The following UBAP1 variants were observed in gnomAD, a reference collection of about 807,000 sequenced individuals.
UBAP1 encodes the protein ubiquitin associated protein 1.
A neutral mutation model predicts 39.0 loss-of-function variants in UBAP1; 5 were observed. That is an observed-to-expected ratio of 0.13 (90% CI 0.07 to 0.27). The LOEUF is 0.27. Among genes scored for constraint, UBAP1 ranks in the 10% least tolerant of loss-of-function variants. UBAP1 has a pLI of 1.00. For missense variants in UBAP1, 490 were observed against 608.1 expected (o/e 0.81, Z 2.04); for synonymous variants, 211 against 225.1 (o/e 0.94, Z 0.56).
At chr9:34,192,025 T>C (rs532083423) in intron 1 of UBAP1, 2 of 151,760 alleles carry the variant, frequency 1.3e-5, no homozygotes, top group Non-Finnish European at 2.9e-5. Flanking sequence ...ATTTTTTTTT[T>C]TAGTGATGGG....
At chr9:34,190,768 C>T (rs930795687) in intron 1 of UBAP1, among the ~76,000 whole-genome samples, 7 of 148,996 alleles carry the variant, frequency 4.7e-5, no homozygotes, top group African/African-American at 1.7e-4. Context: ...TCCCGAGTAG[C>T]TGGGACTGCA....
At chr9:34,224,234 C>T in intron 2 of UBAP1, 1 of 492,650 alleles carries the variant, frequency 2.0e-6, no homozygotes, top group South Asian at 3.5e-5. Flanking sequence ...CAGCTTGTCT[C>T]CTTTCTTGTG....
intron 1 of UBAP1, among the ~76,000 whole-genome samples, chr9:34,216,616 C>T (rs975672390): frequency 1.0e-4 from 15 of 148,754 alleles, no homozygotes; most frequent in African/African-American, 3.2e-4. Flanking sequence ...GCTGGGACTA[C>T]AGGCATGCAC....
chr9:34,217,569 T>G (rs1832398670), intron 1 of UBAP1, among the ~76,000 whole-genome samples: 2 of 151,802 alleles, frequency 1.3e-5, no homozygotes, highest in Admixed American at 1.3e-4. Flanking sequence ...TTTTTTTAAT[T>G]TTTGTTTTTT....
intron 1 of UBAP1, among the ~76,000 whole-genome samples, chr9:34,210,800 G>A (rs1442684666): frequency 6.7e-6 from 1 of 149,352 alleles, no homozygotes; most frequent in Non-Finnish European, 1.5e-5. Flanking sequence ...GAAATGTTTT[G>A]CCTTTTTGAA....
chr9:34,201,976 A>G (rs113973608), intron 1 of UBAP1, among the ~76,000 whole-genome samples: 2 of 152,198 alleles, frequency 1.3e-5, no homozygotes, highest in African/African-American at 4.8e-5. Context: ...AAGTATACAG[A>G]TGAAGAGATT....
intron 1 of UBAP1, among the ~76,000 whole-genome samples, chr9:34,207,236 G>A (rs1831758210): frequency 6.6e-6 from 1 of 150,614 alleles, no homozygotes; most frequent in Non-Finnish European, 1.5e-5. Flanking sequence ...AGTAGAGATG[G>A]GGTTTCACCA....
At chr9:34,246,213 C>G (rs944668096) in intron 4 of UBAP1, among the ~76,000 whole-genome samples, 9 of 152,122 alleles carry the variant, frequency 5.9e-5, no homozygotes, top group African/African-American at 2.2e-4. Context: ...ACTACAGGCA[C>G]GTGCCACCAC....
intron 3 of UBAP1, 69 bp from the exon 4 acceptor site, chr9:34,241,116 G>C (rs1274335577): frequency 8.7e-7 from 1 of 1,150,096 alleles, no homozygotes; most frequent in Non-Finnish European, 1.2e-6. Flanking sequence ...TGAGGAAGGA[G>C]TGAATTGGGT....
chr9:34,247,148 T>C (rs1276518634), intron 4 of UBAP1, among the ~76,000 whole-genome samples: 1 of 152,144 alleles, frequency 6.6e-6, no homozygotes, highest in Non-Finnish European at 1.5e-5. Flanking sequence ...GGTGAGTAAC[T>C]GGAGAAACTA....
intron 2 of UBAP1, among the ~76,000 whole-genome samples, chr9:34,223,700 C>G (rs144413929): frequency 6.6e-6 from 1 of 152,182 alleles, no homozygotes; most frequent in South Asian, 2.1e-4. Context: ...CGTGATCCGC[C>G]TGCCTTGGCC....
At chr9:34,205,114 C>A (rs1831613443) in intron 1 of UBAP1, among the ~76,000 whole-genome samples, 1 of 152,094 alleles carries the variant, frequency 6.6e-6, no homozygotes, top group Non-Finnish European at 1.5e-5. Context: ...CCTCCCCAGG[C>A]TCAGGTGGTC....
At chr9:34,199,369 A>G in intron 1 of UBAP1, among the ~76,000 whole-genome samples, 1 of 152,072 alleles carries the variant, frequency 6.6e-6, no homozygotes, top group African/African-American at 2.4e-5. Context: ...CACCGCGCCC[A>G]GCCTATTATT....
intron 4 of UBAP1, among the ~76,000 whole-genome samples, chr9:34,247,257 T>C (rs1834225695): frequency 6.6e-6 from 1 of 152,160 alleles, no homozygotes; most frequent in South Asian, 2.1e-4. Flanking sequence ...ATGAAACATT[T>C]ATATGAAGGT....
In UBAP1 at chr9:34,214,266, AACTAT is replaced by A. The variant is rs551191599; in HGVS notation, c.-7-6635_-7-6631del. ...GGAGGCATCACACTACCTGATTTCAAACTATACTATAAGGCCATAGTCACCAAAAC... is the reference window on the plus strand; with the variant it reads ...GGAGGCATCACACTACCTGATTTCAAACTATAAGGCCATAGTCACCAAAAC... On this transcript the variant is annotated intron_variant, in intron 1 of 6. Coordinates refer to ENST00000297661, the MANE Select transcript of UBAP1 (RefSeq NM_016525.5). Among the ~76,000 whole-genome samples the A allele has an allele frequency of 3.8e-3, 583 of 152,352 alleles. 7 individuals are homozygous for A. Among genetic ancestry groups the A allele is most frequent in the African/African-American group, 0.013 (548 of 41,582 alleles).
chr9:34,188,559 G>T (rs896460692), intron 1 of UBAP1, among the ~76,000 whole-genome samples: 3 of 151,208 alleles, frequency 2.0e-5, no homozygotes, highest in African/African-American at 7.3e-5. Context: ...GAGCCACCAT[G>T]CCTGGTGCTT....
At chr9:34,226,437 A>G (rs1355336124) in intron 2 of UBAP1, among the ~76,000 whole-genome samples, 1 of 152,008 alleles carries the variant, frequency 6.6e-6, no homozygotes, top group Non-Finnish European at 1.5e-5. Flanking sequence ...GGGTTTCGCC[A>G]TGTTGGCCAG....
At chr9:34,206,624 C>T (rs944820826) in intron 1 of UBAP1, among the ~76,000 whole-genome samples, 2 of 151,184 alleles carry the variant, frequency 1.3e-5, no homozygotes, top group East Asian at 1.9e-4. Flanking sequence ...CCGAGTTTTT[C>T]ATAAGCCAGG....
At chr9:34,218,129 G>A (rs1168912085) in intron 1 of UBAP1, among the ~76,000 whole-genome samples, 27 of 150,584 alleles carry the variant, frequency 1.8e-4, no homozygotes, top group Non-Finnish European at 3.5e-4. Flanking sequence ...GCGGGGGCCT[G>A]TAGTCCCAGC....
Sources: gnomAD v4.1 joint callset for allele counts (sites outside exome capture counted in the v4.1 genomes callset) on GRCh38, gnomAD v4.1.1 for gene constraint, MANE v1.5 for transcripts, NCBI Gene and HGNC (gene_info 2026-07-23, HGNC 2026-07-21) for gene names.